UTP11: variants seen among roughly 807,000 people sequenced by gnomAD.
UTP11 encodes probable U3 small nucleolar RNA-associated protein 11.
Under a neutral mutation model 39.0 loss-of-function variants are expected in UTP11, and 29 were observed. That is an observed-to-expected ratio of 0.74 (90% CI 0.55 to 1.01). The LOEUF is 1.01. Among genes scored for constraint, UTP11 ranks in the 50% least tolerant of loss-of-function variants. UTP11 has a pLI of 0.00. For missense variants in UTP11, 281 were observed against 306.0 expected (o/e 0.92, Z 0.61); for synonymous variants, 111 against 105.0 (o/e 1.06, Z -0.35).
At chr1:38,017,574 A>G in intron 2 of UTP11, 94 bp from the exon 3 acceptor site, 1 of 958,434 alleles carries the variant, frequency 1.0e-6, no homozygotes, top group South Asian at 1.9e-5. Context: ...GACCTTTTAG[A>G]TGCTTGTAAA....
At chr1:38,019,977 C>T (rs1646727398) in intron 6 of UTP11, among the ~76,000 whole-genome samples, 1 of 152,090 alleles carries the variant, frequency 6.6e-6, no homozygotes, top group African/African-American at 2.4e-5. Flanking sequence ...GCGCTTTGTG[C>T]TTTTAATACT....
chr1:38,022,104 C>G (rs1243815405), intron 6 of UTP11, among the ~76,000 whole-genome samples: 1 of 152,182 alleles, frequency 6.6e-6, no homozygotes, highest in Admixed American at 6.5e-5. Context: ...CTGTTGCCGA[C>G]TCTTCTGTTG....
At position 38,016,437 on chromosome 1, in the gene UTP11, T is replaced by C. The variant is rs763396133; in HGVS notation, c.125+17T>C. 5.0e-6 allele frequency: 8 copies of C among 1,613,880 alleles called. No homozygotes were observed. In the South Asian group the frequency reaches 8.8e-5, roughly 18 times the overall value. ...TCGTGCAGAGTGAGTTCAGTCTTTC[T>C]GGTAGAGGCGCTGCCAAGAAAGCTT... On this transcript the variant is annotated intron_variant, in intron 2 of 7. Transcript: ENST00000373014.
In UTP11 at chr1:38,019,122, C is replaced by G. The variant is rs573805314; in HGVS notation, c.406C>G (p.His136Asp). The G allele has an allele frequency of 6.2e-7, 1 of 1,613,832 alleles. No homozygotes were observed. Among genetic ancestry groups the G allele is most frequent in the South Asian group, 1.1e-5 (1 of 91,046 alleles). The change falls in exon 5 of 8, where the codon CAT becomes GAT. Residue 136 changes from histidine to aspartate, a missense_variant. Physicochemically the swap from His to Asp is moderately conservative, Grantham distance 81. Transcript: ENST00000373014. Reference sequence around the variant, plus strand: ...TTTCCAGGGGAAGCAACAGAACAAGCATGTGTTCTTTTTTGACACCAAAAA... The same window carrying G: ...TTTCCAGGGGAAGCAACAGAACAAGGATGTGTTCTTTTTTGACACCAAAAA... ...LDFQGKQQNK[H>D]VFFFDTKKEV...
chr1:38,023,760 A>G lies in UTP11; in HGVS notation c.*132A>G. ...TAACTAAATTGTCAGTCTGACATTT[A>G]ATGTCTTTCTATGGACAACATTAAA... is the stretch of plus-strand genomic sequence containing the variant. On this transcript the variant is annotated 3_prime_UTR_variant, in exon 8 of 8. Coordinates refer to ENST00000373014, the MANE Select transcript of UTP11 (RefSeq NM_016037.4). 3.0e-6 allele frequency: 2 copies of G among 660,738 alleles called. No homozygotes were observed. The highest frequency in any genetic ancestry group is 4.9e-6 in the Non-Finnish European group (2 of 408,854). The allele number at this position is 660,738 out of a possible 1,614,324, so 40.9% of individuals were successfully genotyped here. A position where few individuals can be genotyped will look rare whatever the true frequency, so the allele number is the denominator to read the frequency against.
At position 38,022,817 on chromosome 1, in the gene UTP11, G is replaced by A. The variant is rs768877801; in HGVS notation, c.678+8G>A. On this transcript the variant is annotated splice_region_variant and intron_variant, in intron 7 of 7. Transcript: ENST00000373014. ...ACACGCAAAGATCTTATGGTGAGGA[G>A]AGAGAGCCTTAGGCCTCTTTTTTTT... 1.4e-5 allele frequency: 22 copies of A among 1,595,602 alleles called. No individual in the cohort carries two copies. In the Middle Eastern group the frequency reaches 3.2e-3, roughly 229 times the overall value.
intron 2 of UTP11, 56 bp from the exon 3 acceptor site, chr1:38,017,612 T>C: frequency 7.1e-7 from 1 of 1,406,782 alleles, no homozygotes; most frequent in Non-Finnish European, 9.5e-7. Flanking sequence ...TTTTGGTTTT[T>C]TAAAATTATC....
In UTP11 at chr1:38,019,398, T is replaced by G. The variant is rs201985740; in HGVS notation, c.567+15T>G. ...CTGGACTTAAGGTAATTTTCTCTGT[T>G]GTTCTTCACATGTGAGCTTAGGGGA... On this transcript the variant is annotated intron_variant, in intron 6 of 7. Coordinates refer to ENST00000373014, the MANE Select transcript of UTP11 (RefSeq NM_016037.4). 7 of 1,608,824 alleles carry G rather than the reference T, an allele frequency of 4.4e-6. No homozygotes were observed. In the East Asian group the frequency reaches 1.6e-4, roughly 36 times the overall value.
chr1:38,020,085 G>C (rs1232307178), intron 6 of UTP11, among the ~76,000 whole-genome samples: 1 of 151,938 alleles, frequency 6.6e-6, no homozygotes, highest in Non-Finnish European at 1.5e-5. Context: ...CAGTGAATAC[G>C]CACATCAAAA....
Position 38,012,754 on chromosome 1 carries a change from C to T in UTP11, c.-49C>T, listed in dbSNP as rs776465146. 6 of 1,611,762 alleles carry T rather than the reference C, an allele frequency of 3.7e-6. No individual in the cohort carries two copies. Among genetic ancestry groups the T allele is most frequent in the Non-Finnish European group, 5.1e-6 (6 of 1,177,848 alleles). On this transcript the variant is annotated 5_prime_UTR_variant, in exon 1 of 8. Transcript: ENST00000373014. ...GAATCAGTGGACTTGGCGGCAGAGG[C>T]AGTGCGGATCCGGCGTTCTCCACTG...
Position 38,018,573 on chromosome 1 carries a change from C to T in UTP11, c.338C>T (p.Ala113Val). ...ATAGAAATGAAGAGGGTTGCAGAAG[C>T]TAAGGTAATTCACTCTTTGTTCTGA... The part of the protein sequence containing the change: ...KYIEMKRVAE[A>V]KKIERLKSEL... The change falls in exon 4 of 8, where the codon GCT becomes GTT. Residue 113 changes from alanine to valine, a missense_variant. Ala to Val is a moderately conservative substitution (Grantham distance 64). Transcript: ENST00000373014. 3 of 1,608,036 alleles carry T rather than the reference C, an allele frequency of 1.9e-6. No individual in the cohort carries two copies. Among genetic ancestry groups the T allele is most frequent in the Non-Finnish European group, 2.6e-6 (3 of 1,176,298 alleles).
At chr1:38,013,112 A>T (rs1174082090) in intron 1 of UTP11, among the ~76,000 whole-genome samples, 1 of 152,216 alleles carries the variant, frequency 6.6e-6, no homozygotes. Context: ...CTGCTCTGGA[A>T]GATTTCAGTG....
At chr1:38,022,535 T>A (rs572369650) in intron 6 of UTP11, among the ~76,000 whole-genome samples, 164 bp from the exon 7 acceptor site, 35 of 152,214 alleles carry the variant, frequency 2.3e-4, no homozygotes, top group Non-Finnish European at 5.0e-4. Context: ...CAGAATGTGA[T>A]GTTCCTAAAA....
At position 38,022,789 on chromosome 1, in the gene UTP11, C is replaced by G; in HGVS notation, c.658C>G (p.Gln220Glu). 4 of 1,612,406 alleles carry G rather than the reference C, an allele frequency of 2.5e-6. No homozygotes were observed. The highest frequency in any genetic ancestry group is 3.4e-6 in the Non-Finnish European group (4 of 1,179,002). ...ATTGTTCGTTATTGCTCAGAAAATT[C>G]AAACACGCAAAGATCTTATGGTGAG... ...KKLFVIAQKI[Q>E]TRKDLMDKTQ... is the part of the protein sequence containing the mutation. The change falls in exon 7 of 8, where the codon CAA (glutamine) becomes GAA (glutamate). Residue 220 changes from glutamine (Q) to glutamate (E), a missense_variant. Transcript: ENST00000373014.
rs143247569 is a variant in UTP11, at chr1:38,022,663, C to T, written c.568-36C>T. ...GTTTCTTACTCATTTTTGTCCTGTT[C>T]ATTGTTCACTGAGAATGTGTGTGTT... On this transcript the variant is annotated intron_variant, in intron 6 of 7. Coordinates refer to ENST00000373014, the MANE Select transcript of UTP11 (RefSeq NM_016037.4). 7.0e-3 allele frequency: 10,111 copies of T among 1,453,466 alleles called. 79 individuals carry two copies. The highest frequency in any genetic ancestry group is 0.023 in the East Asian group (1,007 of 43,854). 90.0% of individuals were successfully genotyped at this position (1,453,466 alleles called of 1,614,324 possible).
chr1:38,022,095 T>G (rs955033832), intron 6 of UTP11, among the ~76,000 whole-genome samples: 1 of 152,192 alleles, frequency 6.6e-6, no homozygotes, highest in Non-Finnish European at 1.5e-5. Context: ...GGGACCCTTC[T>G]GTTGCCGACT....
intron 2 of UTP11, 124 bp downstream of exon 2, chr1:38,016,544 C>T: frequency 1.1e-6 from 1 of 937,274 alleles, no homozygotes; most frequent in Middle Eastern, 3.0e-4. Flanking sequence ...GGCCAAAGCT[C>T]TGGCAGCCTG....
Position 38,022,754 on chromosome 1 carries a change from GA to G in UTP11, c.624del (p.Glu209ArgfsTer24). On this transcript the variant is annotated frameshift_variant, in exon 7 of 8. Coordinates refer to ENST00000373014, the MANE Select transcript of UTP11 (RefSeq NM_016037.4). LOFTEE classifies it high-confidence loss of function. Reference protein sequence around the residue: ...QYNCLTQRIEREKKLFVIAQK... With the variant: ...QYNCLTQRIEXEKKLFVIAQK... ...AACTGCCTGACACAGCGGATTGAAC[GA>G]GAGAAGAAATTGTTCGTTATTGCTC... is the stretch of plus-strand genomic sequence containing the variant. 1 of 1,613,950 alleles carries G rather than the reference GA, an allele frequency of 6.2e-7. No homozygotes were observed. The highest frequency in any genetic ancestry group is 8.5e-7 in the Non-Finnish European group (1 of 1,179,934).
In UTP11 at chr1:38,012,779, G is replaced by C. The variant is rs1646685179; in HGVS notation, c.-24G>C. 7 of 1,614,040 alleles carry C rather than the reference G, an allele frequency of 4.3e-6. No homozygotes were observed. The highest frequency in any genetic ancestry group is 2.2e-5 in the South Asian group (2 of 91,072). On this transcript the variant is annotated 5_prime_UTR_variant, in exon 1 of 8. Coordinates refer to ENST00000373014, the MANE Select transcript of UTP11 (RefSeq NM_016037.4). ...CAGTGCGGATCCGGCGTTCTCCACT[G>C]ATCTTTTCCAAGGCTGTACAGACAT...
Sources: gnomAD v4.1 joint callset for allele counts (sites outside exome capture counted in the v4.1 genomes callset) on GRCh38, gnomAD v4.1.1 for gene constraint, MANE v1.5 for transcripts, NCBI Gene and HGNC (gene_info 2026-07-23, HGNC 2026-07-21) for gene names.